ADAP1: variants seen among roughly 807,000 people sequenced by gnomAD.
ADAP1 encodes arf-GAP with dual PH domain-containing protein 1.
Under a neutral mutation model 54.9 loss-of-function variants are expected in ADAP1, and 31 were observed. The ratio of observed to expected loss-of-function variants is 0.56; its 90% CI spans 0.42 to 0.76. ADAP1 has a LOEUF of 0.76. Ranked by LOEUF, ADAP1 falls within the 30% of genes least tolerant of loss-of-function variation. The pLI, the probability that ADAP1 is intolerant of heterozygous loss-of-function variation, is 0.00. For missense variants in ADAP1, 535 were observed against 512.4 expected, an observed-to-expected ratio of 1.04 and a Z score of -0.42; for synonymous variants, 313 against 202.6, an observed-to-expected ratio of 1.55 and a Z score of -4.63.
chr7:955,313 C>T, upstream of ADAP1: 1 of 1,550,282 alleles, frequency 6.5e-7, no homozygotes, highest in South Asian at 1.2e-5. Flanking sequence ...ACTCGCGTGC[C>T]CTTCCTCTGC....
In ADAP1 at chr7:916,486, G is replaced by T. The variant is rs146982121; in HGVS notation, c.388+3482C>A. ...AGCCCATGCCTGCCTCTGAAGTGAGGCCACGTGCCACCTTGCTACAAATTG... is the reference window on the plus strand; with the variant it reads ...AGCCCATGCCTGCCTCTGAAGTGAGTCCACGTGCCACCTTGCTACAAATTG... On this transcript the variant is annotated intron_variant, in intron 4 of 10. Coordinates refer to ENST00000265846, the MANE Select transcript of ADAP1 (RefSeq NM_006869.4). 2.1e-4 allele frequency among the ~76,000 whole-genome samples: 32 copies of T among 152,306 alleles called. No homozygotes were observed. In the East Asian group the frequency reaches 5.6e-3, roughly 27 times the overall value.
At chr7:900,715 G>T in intron 6 of ADAP1, 99 bp from the exon 7 acceptor site, 1 of 831,330 alleles carries the variant, frequency 1.2e-6, no homozygotes, top group Non-Finnish European at 1.7e-6. Context: ...GCTTCCCCCA[G>T]AGCCCAGCCC....
chr7:903,988 C>A (rs112171339), intron 6 of ADAP1, 138 bp downstream of exon 6: 7 of 1,202,458 alleles, frequency 5.8e-6, no homozygotes, highest in Non-Finnish European at 7.9e-6. Flanking sequence ...CTGCCCAGCC[C>A]GACTTCCCGC....
intron 2 of ADAP1, chr7:927,256 G>C (rs759480403): frequency 1.6e-6 from 2 of 1,245,342 alleles, no homozygotes; most frequent in East Asian, 5.8e-5. Context: ...GGAGGCTGTC[G>C]TTCCAGGAGG....
At chr7:927,411 C>T (rs1309616261) in intron 2 of ADAP1, 12 of 501,668 alleles carry the variant, frequency 2.4e-5, no homozygotes, top group Admixed American at 1.9e-4. Flanking sequence ...ACGCCAGCCC[C>T]GAGGGCATGG....
rs1167317136 is a variant in ADAP1 at position 934,390 on chromosome 7, AG to A, written c.213+984del. ...GGTGCCAGAGTCAGTGGTGTTGGAG[AG>A]GGGGGGCCCAGGGTCAATGGTGCTG... On this transcript the variant is annotated intron_variant, in intron 2 of 10. Transcript: ENST00000265846. Among the ~76,000 whole-genome samples, 12 of 73,230 alleles carry A rather than the reference AG, an allele frequency of 1.6e-4. 1 individual carries two copies. Among genetic ancestry groups the A allele is most frequent in the African/African-American group, 5.5e-4 (12 of 21,896 alleles). The allele number at this position is 73,230 out of a possible 152,430, so 48.0% of individuals were successfully genotyped here. A position where few individuals can be genotyped will look rare whatever the true frequency, so the allele number is the denominator to read the frequency against.
rs184759885 is a variant in ADAP1 at position 912,706 on chromosome 7, C to T, written c.388+7262G>A. Among the ~76,000 whole-genome samples, 9 of 152,312 alleles carry T rather than the reference C, an allele frequency of 5.9e-5. No homozygotes were observed. The East Asian group carries it at 1.7e-3, about 29-fold the overall frequency. On this transcript the variant is annotated intron_variant, in intron 4 of 10. Transcript: ENST00000265846. ...GTTTCCGCTTCCCTCACTCCTCTTG[C>T]ATTTATTTTATTTTGATACGGAATC...
At chr7:943,049 C>G (rs376486623) in intron 1 of ADAP1, among the ~76,000 whole-genome samples, 5 of 6,076 alleles carry the variant, frequency 8.2e-4, no homozygotes, top group African/African-American at 1.9e-3. Flanking sequence ...AAGGGAGAGA[C>G]GAGGAGGAAG....
At chr7:921,399 G>A (rs1395182439) in intron 3 of ADAP1, among the ~76,000 whole-genome samples, 1 of 152,236 alleles carries the variant, frequency 6.6e-6, no homozygotes, top group Admixed American at 6.5e-5. Context: ...ACAGCTCAAC[G>A]CAGCCTCCAA....
At position 905,550 on chromosome 7, in the gene ADAP1, G is replaced by GGAGAAAGGAGAAA. The variant is rs1845163025; in HGVS notation, c.389-379_389-378insTTTCTCCTTTCTC. ...AGAAGGGAGAAGGGAGAAGGGAGAA[G>GGAGAAAGGAGAAA]GGAGAAAGGAGAAAGGAGAAAGGAG... On this transcript the variant is annotated intron_variant, in intron 4 of 10. Coordinates refer to ENST00000265846, the MANE Select transcript of ADAP1 (RefSeq NM_006869.4). The GGAGAAAGGAGAAA allele has an allele frequency of 4.9e-4, 3 of 6,084 alleles. 1 individual carries two copies. Among genetic ancestry groups the GGAGAAAGGAGAAA allele is most frequent in the Admixed American group, 4.5e-3 (2 of 442 alleles). 0.4% of individuals were successfully genotyped at this position (6,084 alleles called of 1,614,324 possible).
intron 3 of ADAP1, among the ~76,000 whole-genome samples, chr7:921,260 G>A (rs1846182612): frequency 1.3e-5 from 2 of 152,174 alleles, no homozygotes; most frequent in Admixed American, 6.5e-5. Flanking sequence ...TGGGGTTTGG[G>A]CCCACCCTAC....
chr7:908,498 C>A (rs910140727), intron 4 of ADAP1, among the ~76,000 whole-genome samples: 1 of 152,172 alleles, frequency 6.6e-6, no homozygotes, highest in Non-Finnish European at 1.5e-5. Flanking sequence ...GCCCCGTGCG[C>A]ACAGCAGCAG....
intron 4 of ADAP1, among the ~76,000 whole-genome samples, chr7:916,624 G>A (rs1277463939): frequency 7.2e-5 from 11 of 152,178 alleles, no homozygotes; most frequent in East Asian, 3.8e-4. Context: ...AGGTGCCCGC[G>A]TGTTCATCCC....
intron 4 of ADAP1, among the ~76,000 whole-genome samples, chr7:914,975 C>CCTCTGGGT (rs1845872180): frequency 1.5e-5 from 2 of 130,850 alleles, no homozygotes; most frequent in African/African-American, 3.0e-5. Context: ...CGACTCAGCA[C>CCTCTGGGT]CTCTGGGTCC....
chr7:952,735 T>C (rs761933163), intron 1 of ADAP1, among the ~76,000 whole-genome samples: 153 of 152,136 alleles, frequency 1.0e-3, no homozygotes, highest in Non-Finnish European at 1.7e-3. Context: ...TCCATGGCGC[T>C]ACCCGACAGA....
intron 3 of ADAP1, among the ~76,000 whole-genome samples, chr7:923,519 G>T (rs1846262881): frequency 6.6e-6 from 1 of 152,034 alleles, no homozygotes; most frequent in Admixed American, 6.6e-5. Context: ...GGAAGAGACG[G>T]GTCCCGGCCT....
At chr7:911,582 G>A (rs537560999) in intron 4 of ADAP1, among the ~76,000 whole-genome samples, 123 of 143,002 alleles carry the variant, frequency 8.6e-4, no homozygotes, top group South Asian at 7.4e-3. Context: ...GGGGTCCCAC[G>A]GAGGGCCAGG....
chr7:926,841 G>T lies in ADAP1; in HGVS notation c.214-197C>A, dbSNP rs1180922655. On this transcript the variant is annotated intron_variant, in intron 2 of 10. Transcript: ENST00000265846. The surrounding 1 kb of genome is among the most constrained non-coding windows in gnomAD (Gnocchi z 4.6). ...GAGTGATCGACCCTCCCCTGGGACA[G>T]GGAAGGAGCCAGCGTCCCTAACGAC... is the stretch of plus-strand genomic sequence containing the variant. The T allele has an allele frequency of 3.8e-6, 3 of 780,194 alleles. No homozygotes were observed. Among genetic ancestry groups the T allele is most frequent in the Non-Finnish European group, 5.8e-6 (3 of 518,012 alleles). 48.3% of individuals were successfully genotyped at this position (780,194 alleles called of 1,614,324 possible).
intron 4 of ADAP1, among the ~76,000 whole-genome samples, chr7:905,916 GAGA>G (rs1845254801): frequency 1.0e-3 from 1 of 958 alleles, no homozygotes; most frequent in African/African-American, 2.6e-3. Flanking sequence ...AAAGGGAAAG[GAGA>G]AAGGGAGAAA....
Sources: gnomAD v4.1 joint callset for allele counts (sites outside exome capture counted in the v4.1 genomes callset) on GRCh38, gnomAD v4.1.1 for gene constraint, Gnocchi (gnomAD v3.1) non-coding constraint, MANE v1.5 for transcripts, NCBI Gene and HGNC (gene_info 2026-07-23, HGNC 2026-07-21) for gene names.